The following MRPS27 variants were observed in gnomAD, a reference collection of about 807,000 sequenced individuals.
The protein encoded by MRPS27 is small ribosomal subunit protein mS27.
A neutral mutation model predicts 48.9 loss-of-function variants in MRPS27; 43 were observed. The observed-to-expected ratio is 0.88, with a 90% CI of 0.69 to 1.13. The LOEUF (loss-of-function observed/expected upper bound fraction) is 1.13. MRPS27 is among the 50% of genes most tolerant of loss of function. The pLI is 0.00. For missense variants in MRPS27, 467 were observed against 476.3 expected, an observed-to-expected ratio of 0.98 and a Z score of 0.18; for synonymous variants, 188 against 171.9, an observed-to-expected ratio of 1.09 and a Z score of -0.73.
intron 2 of MRPS27, among the ~76,000 whole-genome samples, chr5:72,310,707 G>A (rs1050775711): frequency 1.3e-5 from 2 of 152,204 alleles, no homozygotes; most frequent in Admixed American, 1.3e-4. Flanking sequence ...AGCCATGAAT[G>A]GATGCCAAAT....
At chr5:72,290,094 T>G (rs1255990203) in intron 4 of MRPS27, among the ~76,000 whole-genome samples, 1 of 152,156 alleles carries the variant, frequency 6.6e-6, no homozygotes, top group East Asian at 1.9e-4. Context: ...TGGCACAATT[T>G]TACCAGTAAC....
intron 4 of MRPS27, among the ~76,000 whole-genome samples, chr5:72,291,045 A>G (rs1174077486): frequency 6.6e-6 from 1 of 152,192 alleles, no homozygotes; most frequent in Non-Finnish European, 1.5e-5. Context: ...GTAGCATCTC[A>G]GGGCCTGTCC....
chr5:72,238,421 C>G (rs144246978), intron 4 of MRPS27, among the ~76,000 whole-genome samples: 1 of 152,178 alleles, frequency 6.6e-6, no homozygotes, highest in African/African-American at 2.4e-5. Context: ...GGGAAAAATA[C>G]TCTACTAATC....
At chr5:72,274,645 T>C (rs1251784540) in intron 4 of MRPS27, among the ~76,000 whole-genome samples, 2 of 152,250 alleles carry the variant, frequency 1.3e-5, no homozygotes, top group African/African-American at 4.8e-5. Context: ...ACCAGTAGTA[T>C]AGTTCATTAA....
chr5:72,297,399 A>T (rs1229271389), intron 3 of MRPS27, among the ~76,000 whole-genome samples: 1 of 152,226 alleles, frequency 6.6e-6, no homozygotes, highest in Admixed American at 6.5e-5. Context: ...TAAATCAGAT[A>T]CACAAAACTG....
At position 72,220,775 on chromosome 5, in the gene MRPS27, T is replaced by C; in HGVS notation, c.*134A>G. ...GATGGGCAGTCATGGTGCCTTGCCA[T>C]GTAGGGCACATAGCCTGCTTTAAGA... On this transcript the variant is annotated 3_prime_UTR_variant, in exon 11 of 11. Transcript: ENST00000261413. The C allele has an allele frequency of 4.6e-6, 6 of 1,308,458 alleles. No individual in the cohort carries two copies. The highest frequency in any genetic ancestry group is 6.3e-6 in the Non-Finnish European group (6 of 947,900). The allele number at this position is 1,308,458 out of a possible 1,614,324, so 81.1% of individuals were successfully genotyped here.
At chr5:72,288,770 C>T (rs746130135) in intron 4 of MRPS27, 1 of 152,240 alleles carries the variant, frequency 6.6e-6, no homozygotes, top group Admixed American at 6.5e-5. Context: ...AATGTTCAGG[C>T]ATAATGCGAC....
In MRPS27 at chr5:72,296,236, G is replaced by GA. The variant is rs200647191; in HGVS notation, c.223-648dup. Among the ~76,000 whole-genome samples, 767 of 149,248 alleles carry GA rather than the reference G, an allele frequency of 5.1e-3. 3 individuals are homozygous for GA. Among genetic ancestry groups the GA allele is most frequent in the African/African-American group, 0.018 (736 of 40,720 alleles). On this transcript the variant is annotated intron_variant, in intron 3 of 10. Transcript: ENST00000261413. ...AAAATAGAGACTCAGAGGCAAAAAAGAAAAAAAAAGCGTAGAAGACAATGC... is the reference window on the plus strand; with the variant it reads ...AAAATAGAGACTCAGAGGCAAAAAAGAAAAAAAAAAGCGTAGAAGACAATGC...
intron 4 of MRPS27, among the ~76,000 whole-genome samples, chr5:72,283,888 C>T (rs73127284): frequency 0.011 from 1,656 of 152,218 alleles, 29 homozygotes; most frequent in African/African-American, 0.038. Flanking sequence ...TTCAACCTGC[C>T]ATTAATCCTG....
At chr5:72,315,071 G>C (rs563092158) in intron 1 of MRPS27, among the ~76,000 whole-genome samples, 1 of 152,286 alleles carries the variant, frequency 6.6e-6, no homozygotes, top group South Asian at 2.1e-4. Context: ...TGAGCTCAAG[G>C]AGTGAATGAG....
intron 4 of MRPS27, among the ~76,000 whole-genome samples, chr5:72,266,785 G>A (rs906891412): frequency 5.3e-5 from 8 of 152,106 alleles, no homozygotes; most frequent in Non-Finnish European, 7.4e-5. Context: ...GCCTGAACCC[G>A]GGAGGCGGAG....
At chr5:72,272,432 T>C (rs565458810) in intron 4 of MRPS27, among the ~76,000 whole-genome samples, 10 of 152,216 alleles carry the variant, frequency 6.6e-5, no homozygotes, top group Non-Finnish European at 1.3e-4. Flanking sequence ...AATTTTGTTA[T>C]GTGCTAGGCA....
At chr5:72,284,282 G>A (rs1202822055) in intron 4 of MRPS27, among the ~76,000 whole-genome samples, 4 of 151,102 alleles carry the variant, frequency 2.6e-5, no homozygotes, top group Middle Eastern at 3.4e-3. Flanking sequence ...AAAAAGGCCA[G>A]GCATGGTGGC....
intron 4 of MRPS27, among the ~76,000 whole-genome samples, chr5:72,255,937 A>G (rs974428055): frequency 2.6e-5 from 4 of 152,224 alleles, no homozygotes; most frequent in African/African-American, 9.6e-5. Context: ...AGGGAGTGCT[A>G]TCTCAATTAA....
chr5:72,315,769 C>A (rs895787941), intron 1 of MRPS27, among the ~76,000 whole-genome samples: 2 of 152,044 alleles, frequency 1.3e-5, no homozygotes, highest in Admixed American at 6.5e-5. Flanking sequence ...AAACTCATAC[C>A]TTACTGGAGA....
At chr5:72,287,184 G>C (rs537660844) in intron 4 of MRPS27, among the ~76,000 whole-genome samples, 1 of 152,082 alleles carries the variant, frequency 6.6e-6, no homozygotes, top group African/African-American at 2.4e-5. Flanking sequence ...AGATGGAACA[G>C]TTTCATCCCC....
intron 7 of MRPS27, among the ~76,000 whole-genome samples, chr5:72,231,208 A>G (rs572313245): frequency 6.6e-6 from 1 of 152,188 alleles, no homozygotes; most frequent in African/African-American, 2.4e-5. Context: ...TTGTAACTAC[A>G]CTGACTATCT....
intron 4 of MRPS27, among the ~76,000 whole-genome samples, chr5:72,289,601 T>TTTA (rs1749766731): frequency 6.6e-6 from 1 of 151,676 alleles, no homozygotes; most frequent in Non-Finnish European, 1.5e-5. Flanking sequence ...TTTTGTATCT[T>TTTA]TTTATAGAGA....
chr5:72,262,680 T>A (rs1322693432), intron 4 of MRPS27, among the ~76,000 whole-genome samples: 6 of 152,100 alleles, frequency 3.9e-5, no homozygotes, highest in Non-Finnish European at 7.4e-5. Flanking sequence ...GGGAGAGAGT[T>A]CCATCTTGTA....
Sources: gnomAD v4.1 joint callset for allele counts (sites outside exome capture counted in the v4.1 genomes callset) on GRCh38, gnomAD v4.1.1 for gene constraint, MANE v1.5 for transcripts, NCBI Gene and HGNC (gene_info 2026-07-23, HGNC 2026-07-21) for gene names.